Variants in CNTNAP2 observed in about 807,000 individuals in gnomAD.
CNTNAP2 encodes contactin-associated protein-like 2.
Under a neutral mutation model 155.2 loss-of-function variants are expected in CNTNAP2, and 98 were observed. The ratio of observed to expected loss-of-function variants is 0.63; its 90% confidence interval spans 0.54 to 0.75. The LOEUF (loss-of-function observed/expected upper bound fraction) is 0.75. CNTNAP2 is among the 30% of genes least tolerant of loss of function. The pLI, the probability that CNTNAP2 is intolerant of heterozygous loss-of-function variation, is 0.00. For synonymous variants in CNTNAP2, 651 were observed against 631.2 expected, an observed-to-expected ratio of 1.03 and a Z score of -0.47; for missense variants, 1,727 against 1,688.1, an observed-to-expected ratio of 1.02 and a Z score of -0.40.
At chr7:148,204,025 T>C (rs1035070664) in intron 18 of CNTNAP2, among the ~76,000 whole-genome samples, 7 of 152,214 alleles carry the variant, frequency 4.6e-5, no homozygotes, top group Non-Finnish European at 7.3e-5. Flanking sequence ...ATAACTTTAG[T>C]AGGAAATAAC....
At chr7:146,477,068 GA>G (rs1796888350) in intron 1 of CNTNAP2, among the ~76,000 whole-genome samples, 1 of 152,018 alleles carries the variant, frequency 6.6e-6, no homozygotes, top group African/African-American at 2.4e-5. Flanking sequence ...TGGAATAATA[GA>G]ATCCATTAAC....
chr7:148,044,090 A>G (rs117585092), intron 15 of CNTNAP2, among the ~76,000 whole-genome samples: 2,334 of 152,388 alleles, frequency 0.015, 30 homozygotes, highest in Middle Eastern at 0.048. Flanking sequence ...AACAAAAAGC[A>G]TAAGGAGATA....
chr7:147,219,107 G>A (rs932130574), intron 8 of CNTNAP2, among the ~76,000 whole-genome samples: 17 of 152,156 alleles, frequency 1.1e-4, no homozygotes, highest in African/African-American at 3.9e-4. Context: ...AAGAGAGGGT[G>A]AGAGAGCAAG....
chr7:147,125,850 A>G (rs1365971978), intron 6 of CNTNAP2, among the ~76,000 whole-genome samples: 2 of 152,236 alleles, frequency 1.3e-5, no homozygotes, highest in African/African-American at 2.4e-5. Context: ...TACATAGGCT[A>G]CATTTAATGG....
chr7:148,207,994 C>A (rs1268538814), intron 18 of CNTNAP2, among the ~76,000 whole-genome samples: 1 of 151,742 alleles, frequency 6.6e-6, no homozygotes, highest in African/African-American at 2.4e-5. Context: ...GAGGCTGAGG[C>A]AGGAGAATGG....
chr7:147,425,312 G>C (rs533821096), intron 10 of CNTNAP2, among the ~76,000 whole-genome samples: 5 of 151,926 alleles, frequency 3.3e-5, no homozygotes, highest in African/African-American at 1.2e-4. Context: ...TAGCTAGGTA[G>C]GTATGAAAAA....
chr7:148,004,779 A>G (rs1170895487), intron 15 of CNTNAP2, among the ~76,000 whole-genome samples: 1 of 152,182 alleles, frequency 6.6e-6, no homozygotes. Context: ...GTTTGGTTAG[A>G]TTTTTAAATA....
At chr7:148,194,074 G>T (rs147736501) in intron 18 of CNTNAP2, among the ~76,000 whole-genome samples, 244 of 151,308 alleles carry the variant, frequency 1.6e-3, no homozygotes, top group African/African-American at 5.2e-3. Context: ...GGGCTCAGAT[G>T]ATCCTCCTGC....
In CNTNAP2 at chr7:147,922,930, CTT is replaced by C. The variant is rs549766232; in HGVS notation, c.2255+19210_2255+19211del. Among the ~76,000 whole-genome samples, 234 of 152,166 alleles carry C rather than the reference CTT, an allele frequency of 1.5e-3. 1 individual carries two copies. Among genetic ancestry groups the C allele is most frequent in the African/African-American group, 5.3e-3 (219 of 41,540 alleles). The stretch of plus-strand genomic sequence containing the variant: ...ACAAAGAACATTTTTTAAAAACACT[CTT>C]AATGACACCTTAGTCAAGTGTCCAG... On this transcript the variant is annotated intron_variant, in intron 14 of 23. Transcript: ENST00000361727.
intron 18 of CNTNAP2, among the ~76,000 whole-genome samples, chr7:148,212,221 A>C (rs1372467362): frequency 6.6e-6 from 1 of 151,970 alleles, no homozygotes; most frequent in Non-Finnish European, 1.5e-5. Context: ...TTATTCTGGA[A>C]TGAATAATTG....
rs851706 is a variant in CNTNAP2 at position 147,837,183 on chromosome 7, C to G, written c.2099-66382C>G. Reference sequence around the variant, plus strand: ...TTACAAAAGAAAGAGGTTTAATGGACTCACAGTTCCATGTTGCTGGGGAGG... The same window carrying G: ...TTACAAAAGAAAGAGGTTTAATGGAGTCACAGTTCCATGTTGCTGGGGAGG... On this transcript the variant is annotated intron_variant, in intron 13 of 23. Coordinates refer to ENST00000361727, the MANE Select transcript of CNTNAP2 (RefSeq NM_014141.6). Among the ~76,000 whole-genome samples the G allele has an allele frequency of 4.5e-3, 683 of 152,282 alleles. 2 individuals are homozygous for G. The highest frequency in any genetic ancestry group is 0.016 in the African/African-American group (650 of 41,548).
At chr7:146,690,526 CAAAGATTT>C (rs1800680520) in intron 1 of CNTNAP2, among the ~76,000 whole-genome samples, 1 of 152,004 alleles carries the variant, frequency 6.6e-6, no homozygotes. Context: ...TCACAATTAC[CAAAGATTT>C]AAATAAATGT....
chr7:147,893,237 T>C (rs1374578440), intron 13 of CNTNAP2, among the ~76,000 whole-genome samples: 1 of 152,234 alleles, frequency 6.6e-6, no homozygotes, highest in African/African-American at 2.4e-5. Context: ...TTATTTTATT[T>C]TTAAAGTTCT....
intron 16 of CNTNAP2, among the ~76,000 whole-genome samples, chr7:148,135,076 A>G (rs764588228): frequency 1.3e-5 from 2 of 152,290 alleles, no homozygotes; most frequent in Middle Eastern, 3.4e-3. Flanking sequence ...CAAGGACCAT[A>G]CCAGAATCTC....
intron 12 of CNTNAP2, among the ~76,000 whole-genome samples, chr7:147,566,156 C>T (rs1800166493): frequency 6.7e-6 from 1 of 149,464 alleles, no homozygotes; most frequent in Non-Finnish European, 1.5e-5. Context: ...ACTAGCTGGG[C>T]ATGGTGGTGC....
At chr7:147,323,592 T>C (rs1201633906) in intron 9 of CNTNAP2, among the ~76,000 whole-genome samples, 1 of 151,830 alleles carries the variant, frequency 6.6e-6, no homozygotes, top group African/African-American at 2.4e-5. Flanking sequence ...GTCTATTAGG[T>C]CCGCTTGGTG....
intron 11 of CNTNAP2, among the ~76,000 whole-genome samples, chr7:147,520,372 T>G (rs942120397): frequency 6.6e-6 from 1 of 152,198 alleles, no homozygotes; most frequent in Non-Finnish European, 1.5e-5. Context: ...TGGTTCCTAC[T>G]TTACATAATT....
At chr7:146,529,348 G>T (rs1044963228) in intron 1 of CNTNAP2, among the ~76,000 whole-genome samples, 2 of 152,078 alleles carry the variant, frequency 1.3e-5, no homozygotes, top group African/African-American at 4.8e-5. Context: ...CAGATAAAAT[G>T]GTCAGTATAT....
chr7:147,638,209 C>G (rs1220609886), intron 12 of CNTNAP2, among the ~76,000 whole-genome samples: 1 of 151,956 alleles, frequency 6.6e-6, no homozygotes, highest in Non-Finnish European at 1.5e-5. Context: ...TTCTTTTTTT[C>G]TACTGGGATA....
Sources: gnomAD v4.1 joint callset for allele counts (sites outside exome capture counted in the v4.1 genomes callset) on GRCh38, gnomAD v4.1.1 for gene constraint, MANE v1.5 for transcripts, NCBI Gene and HGNC (gene_info 2026-07-23, HGNC 2026-07-21) for gene names.